Variants in GAPVD1 observed in about 807,000 individuals in gnomAD.
GAPVD1 encodes GTPase-activating protein and VPS9 domain-containing protein 1.
Under a neutral mutation model 155.5 loss-of-function variants are expected in GAPVD1, and 35 were observed. That is an observed-to-expected ratio of 0.23 (90% CI 0.17 to 0.30). GAPVD1 has a LOEUF of 0.30. Among genes scored for constraint, GAPVD1 ranks in the 10% least tolerant of loss-of-function variants. GAPVD1 has a pLI of 1.00. For synonymous variants in GAPVD1, 636 were observed against 619.7 expected (o/e 1.03, Z -0.39); for missense variants, 1,429 against 1,775.7 (o/e 0.80, Z 3.51).
intron 14 of GAPVD1, 101 bp from the exon 15 acceptor site, chr9:125,332,409 C>T (rs1846223396): frequency 1.1e-6 from 1 of 927,408 alleles, no homozygotes; most frequent in Non-Finnish European, 1.6e-6. Context: ...AGAACTGGGA[C>T]ACAAAATTCG....
Position 125,328,188 on chromosome 9 carries a change from C to CTT in GAPVD1, c.2032+1615_2032+1616dup, listed in dbSNP as rs1243246612. On this transcript the variant is annotated intron_variant, in intron 12 of 27. Transcript: ENST00000297933. ...ATTTTTAAGTAGTGCAAATAGATTT[C>CTT]TTTTTTTTTTTTTTTTTAAATTTAT... Among the ~76,000 whole-genome samples, 118 of 110,982 alleles carry CTT rather than the reference C, an allele frequency of 1.1e-3. 1 individual carries two copies. The highest frequency in any genetic ancestry group is 5.2e-3 in the Middle Eastern group (1 of 194). The allele number at this position is 110,982 out of a possible 152,430, so 72.8% of individuals were successfully genotyped here.
intron 6 of GAPVD1, among the ~76,000 whole-genome samples, chr9:125,305,413 G>A (rs1044973945): frequency 5.8e-5 from 8 of 138,132 alleles, no homozygotes; most frequent in South Asian, 2.3e-4. Context: ...TCGCTCCGTC[G>A]CCCAGGCGGA....
chr9:125,348,865 T>C (rs1848906528), intron 20 of GAPVD1, among the ~76,000 whole-genome samples: 1 of 152,188 alleles, frequency 6.6e-6, no homozygotes, highest in Non-Finnish European at 1.5e-5. Flanking sequence ...GATCTGACTT[T>C]GTTGCATGTG....
chr9:125,331,898 T>A, intron 13 of GAPVD1, 28 bp from the exon 14 acceptor site: 1 of 1,611,492 alleles, frequency 6.2e-7, no homozygotes, highest in Non-Finnish European at 8.5e-7. Context: ...GAATCACAAA[T>A]GTAACATACC....
chr9:125,263,838 A>G (rs1367843201), intron 1 of GAPVD1: 1 of 1,181,012 alleles, frequency 8.5e-7, no homozygotes, highest in Non-Finnish European at 1.3e-6. Context: ...TAGCAGGTAC[A>G]GTCTCCGGGG....
In GAPVD1 at chr9:125,307,010, AT is replaced by A. The variant is rs1328031491; in HGVS notation, c.1117-398del. Among the ~76,000 whole-genome samples the A allele has an allele frequency of 3.9e-5, 6 of 152,112 alleles. No homozygotes were observed. The South Asian group carries it at 1.0e-3, about 26-fold the overall frequency. On this transcript the variant is annotated intron_variant, in intron 6 of 27. Coordinates refer to ENST00000297933, the MANE Select transcript of GAPVD1 (RefSeq NM_001282680.3). ...GTCAGGCGGGGTGGCTCACATTTGTATTTTTGGCACTTTGGGAGGCCGAGGC... is the reference window on the plus strand; with the variant it reads ...GTCAGGCGGGGTGGCTCACATTTGTATTTTGGCACTTTGGGAGGCCGAGGC...
At chr9:125,277,559 C>G (rs1835984805) in intron 2 of GAPVD1, among the ~76,000 whole-genome samples, 1 of 152,128 alleles carries the variant, frequency 6.6e-6, no homozygotes, top group Admixed American at 6.6e-5. Flanking sequence ...AATATGCCCT[C>G]CATCAAGATC....
At chr9:125,329,800 G>T (rs1235821005) in intron 12 of GAPVD1, among the ~76,000 whole-genome samples, 2 of 151,890 alleles carry the variant, frequency 1.3e-5, no homozygotes, top group African/African-American at 4.8e-5. Context: ...TTGTGCCTCA[G>T]CTTCCCAAGT....
Position 125,298,972 on chromosome 9 carries a change from C to T in GAPVD1, c.51C>T (p.Arg17=). The change falls in exon 4 of 28, where the codon CGC becomes CGT. Residue 17 remains arginine (R), a synonymous_variant. Transcript: ENST00000297933. ...TGGCTCATCACCTCAAGCAGGAACGCTTATATGTAAACTCTGAGAAACAGC... is the reference window on the plus strand; with the variant it reads ...TGGCTCATCACCTCAAGCAGGAACGTTTATATGTAAACTCTGAGAAACAGC... ...HTLAHHLKQE[R]LYVNSEKQLI... The T allele has an allele frequency of 6.2e-7, 1 of 1,612,062 alleles. No homozygotes were observed. Among genetic ancestry groups the T allele is most frequent in the Non-Finnish European group, 8.5e-7 (1 of 1,178,808 alleles).
intron 1 of GAPVD1, among the ~76,000 whole-genome samples, chr9:125,262,305 G>C (rs1489489236): frequency 2.6e-5 from 4 of 152,188 alleles, no homozygotes; most frequent in African/African-American, 9.6e-5. Context: ...ACTGAGTATA[G>C]GAGGCGAGAA....
At chr9:125,276,858 A>G (rs1835875786) in intron 2 of GAPVD1, among the ~76,000 whole-genome samples, 1 of 152,146 alleles carries the variant, frequency 6.6e-6, no homozygotes, top group South Asian at 2.1e-4. Flanking sequence ...TCATGGGCTC[A>G]AGCAGTGTTC....
At chr9:125,360,205 C>T (rs1014009145) in intron 26 of GAPVD1, among the ~76,000 whole-genome samples, 6 of 152,138 alleles carry the variant, frequency 3.9e-5, no homozygotes, top group African/African-American at 1.4e-4. Context: ...GAATCAGCTA[C>T]TAAATGTAGA....
Position 125,366,386 on chromosome 9 carries a change from T to C in GAPVD1, c.*3640T>C, listed in dbSNP as rs527336404. 2 of 152,316 alleles carry C rather than the reference T, an allele frequency of 1.3e-5. No individual in the cohort carries two copies. Among genetic ancestry groups the C allele is most frequent in the African/African-American group, 4.8e-5 (2 of 41,568 alleles). 9.4% of individuals were successfully genotyped at this position (152,316 alleles called of 1,614,324 possible). A position where few individuals can be genotyped will look rare whatever the true frequency, so the allele number is the denominator to read the frequency against. ...TAAAATTGTTTTTCTCCTATGTGAT[T>C]GGGTGTGAAGAGGGAAAGTAGGAAT... is the stretch of plus-strand genomic sequence containing the variant. On this transcript the variant is annotated 3_prime_UTR_variant, in exon 28 of 28. Coordinates refer to ENST00000297933, the MANE Select transcript of GAPVD1 (RefSeq NM_001282680.3).
intron 9 of GAPVD1, among the ~76,000 whole-genome samples, chr9:125,319,208 A>T (rs1165164753): frequency 1.1e-4 from 1 of 9,164 alleles, no homozygotes; most frequent in Non-Finnish European, 1.5e-4. Flanking sequence ...TAATACGAAG[A>T]ACTAAAATGA....
At chr9:125,310,869 C>G (rs1588861927) in intron 8 of GAPVD1, among the ~76,000 whole-genome samples, 1 of 134,186 alleles carries the variant, frequency 7.5e-6, no homozygotes, top group Non-Finnish European at 1.6e-5. Flanking sequence ...GACGGAGTTT[C>G]GCTTTTATCG....
chr9:125,278,382 G>A lies in GAPVD1; in HGVS notation c.-150+9398G>A, dbSNP rs190932195. On this transcript the variant is annotated intron_variant, in intron 2 of 27. Transcript: ENST00000297933. Reference sequence around the variant, plus strand: ...CTAAAAATACAAAAATTAGCCGGACGTGGTAGTGGGTGCTGGTAATCCCAG... The same window carrying A: ...CTAAAAATACAAAAATTAGCCGGACATGGTAGTGGGTGCTGGTAATCCCAG... Among the ~76,000 whole-genome samples, 736 of 152,230 alleles carry A rather than the reference G, an allele frequency of 4.8e-3. 2 individuals carry two copies. Among genetic ancestry groups the A allele is most frequent in the Non-Finnish European group, 6.9e-3 (470 of 68,006 alleles).
At chr9:125,347,044 C>A (rs1249592779) in intron 20 of GAPVD1, 103 bp downstream of exon 20, 2 of 1,092,316 alleles carry the variant, frequency 1.8e-6, no homozygotes, top group African/African-American at 1.6e-5. Context: ...CTAAGGGAGT[C>A]AGTTTACTAC....
chr9:125,329,824 G>T lies in GAPVD1; in HGVS notation c.2033-254G>T, dbSNP rs113262148. Reference sequence around the variant, plus strand: ...AGCTTCCCAAGTAGCTGAGACTACCGGTGCACGCCACCATACCTGGCTAAT... The same window carrying T: ...AGCTTCCCAAGTAGCTGAGACTACCTGTGCACGCCACCATACCTGGCTAAT... On this transcript the variant is annotated intron_variant, in intron 12 of 27. Transcript: ENST00000297933. 7.4e-4 allele frequency among the ~76,000 whole-genome samples: 113 copies of T among 152,016 alleles called. 1 individual carries two copies. The highest frequency in any genetic ancestry group is 3.1e-3 in the South Asian group (15 of 4,816).
Position 125,354,823 on chromosome 9 carries a change from A to G in GAPVD1, c.3739A>G (p.Ile1247Val), listed in dbSNP as rs1320373363. Residue 1247 changes from isoleucine to valine, a missense_variant, in exon 24 of 28, where the codon ATC (isoleucine) becomes GTC (valine). By Grantham distance (29) the Ile-to-Val change is conservative. This residue lies in a region of GAPVD1 where 699 missense variants were observed against 826.0 expected (regional missense o/e 0.85). Coordinates refer to ENST00000297933, the MANE Select transcript of GAPVD1 (RefSeq NM_001282680.3). ...ACTGCTTGAGAGCAAAGAAAAGAAG[A>G]TCAGGGAATTCATTCAAGGTAACTC... ...RLLLESKEKK[I>V]REFIQDFQKL... The G allele has an allele frequency of 6.2e-7, 1 of 1,612,798 alleles. No individual in the cohort carries two copies. The highest frequency in any genetic ancestry group is 1.7e-5 in the Admixed American group (1 of 60,024).
Sources: allele counts gnomAD v4.1 joint callset (sites outside exome capture counted in the v4.1 genomes callset), GRCh38; gene constraint gnomAD v4.1.1; regional missense constraint gnomAD v4.1.1; transcripts MANE v1.5; gene names NCBI Gene and HGNC (gene_info 2026-07-23, HGNC 2026-07-21).